Variants in HRH2 observed in about 807,000 individuals in gnomAD.
The protein encoded by HRH2 is histamine receptor H2, also known as histamine H2 receptor.
Under a neutral mutation model 20.1 loss-of-function variants are expected in HRH2, and 4 were observed. The observed-to-expected ratio is 0.20, with a 90% CI of 0.10 to 0.45. HRH2 has a LOEUF of 0.45. Among genes scored for constraint, HRH2 ranks in the 20% least tolerant of loss-of-function variants. The pLI is 0.99. For synonymous variants in HRH2, 197 were observed against 200.7 expected (o/e 0.98, Z 0.16); for missense variants, 250 against 461.6 (o/e 0.54, Z 4.20).
intron 1 of HRH2, among the ~76,000 whole-genome samples, chr5:175,665,359 G>C (rs1762856436): frequency 1.3e-5 from 2 of 152,162 alleles, no homozygotes; most frequent in African/African-American, 4.8e-5. Flanking sequence ...TCCGGACCCA[G>C]GATCTGGATA....
In HRH2 at chr5:175,686,236, G is replaced by A. The variant is rs1157520492; in HGVS notation, c.1076+1927G>A. On this transcript the variant is annotated intron_variant, in intron 2 of 2. Transcript: ENST00000636584. The surrounding 1 kb of genome is among the most constrained non-coding windows in gnomAD (Gnocchi z 4.7). ...TAAAAAAATACAGGGATGTGGTTCA[G>A]CTAGAAGGTGGTTGCCACTCTTGGG... 6.6e-6 allele frequency: 1 copy of A among 152,244 alleles called. No individual in the cohort carries two copies. Among genetic ancestry groups the A allele is most frequent in the Admixed American group, 6.5e-5 (1 of 15,286 alleles). The allele number at this position is 152,244 out of a possible 1,614,324, so 9.4% of individuals were successfully genotyped here. A position where few individuals can be genotyped will look rare whatever the true frequency, so the allele number is the denominator to read the frequency against.
intron 2 of HRH2, chr5:175,685,323 GAAA>G: frequency 4.5e-6 from 6 of 1,334,766 alleles, no homozygotes; most frequent in South Asian, 1.4e-5. Context: ...TTTAGCTGCT[GAAA>G]AGAGCAAATG....
At chr5:175,688,371 T>C (rs1362935569) in intron 2 of HRH2, among the ~76,000 whole-genome samples, 1 of 152,172 alleles carries the variant, frequency 6.6e-6, no homozygotes, top group East Asian at 1.9e-4. Context: ...TCCTGCTGCC[T>C]TTCCTGCCAC....
At chr5:175,696,706 T>G (rs1398926600) in intron 2 of HRH2, among the ~76,000 whole-genome samples, 2 of 152,150 alleles carry the variant, frequency 1.3e-5, no homozygotes, top group African/African-American at 4.8e-5. Flanking sequence ...CTTTGCTTCT[T>G]CCGTGGGACC....
At chr5:175,665,265 T>C (rs1435563331) in intron 1 of HRH2, among the ~76,000 whole-genome samples, 2 of 151,636 alleles carry the variant, frequency 1.3e-5, no homozygotes, top group Non-Finnish European at 1.5e-5. Context: ...ACCGAGGAGG[T>C]ACAGGAGCTG....
In HRH2 at chr5:175,707,940, C is replaced by T. The variant is rs941507785; in HGVS notation, c.1238C>T (p.Ala413Val). The change falls in exon 3 of 3, where the codon GCG (alanine) becomes GTG (valine). Residue 413 changes from alanine to valine, a missense_variant. Coordinates refer to ENST00000636584, the MANE Select transcript of HRH2 (RefSeq NM_001367711.1). ...EEPQKRPPQK[A>V]VRTLPSEAV Reference sequence around the variant, plus strand: ...CCACAGAAGAGACCTCCCCAGAAAGCGGTGAGGACGCTGCCCTCTGAGGCT... The same window carrying T: ...CCACAGAAGAGACCTCCCCAGAAAGTGGTGAGGACGCTGCCCTCTGAGGCT... The T allele has an allele frequency of 1.0e-5, 4 of 399,006 alleles. No homozygotes were observed. The highest frequency in any genetic ancestry group is 1.3e-4 in the South Asian group (1 of 7,862). The allele number at this position is 399,006 out of a possible 1,614,324, so 24.7% of individuals were successfully genotyped here.
intron 1 of HRH2, among the ~76,000 whole-genome samples, chr5:175,673,145 G>C (rs1455985018): frequency 6.6e-6 from 1 of 152,186 alleles, no homozygotes; most frequent in Non-Finnish European, 1.5e-5. Flanking sequence ...CAGGGAGGCT[G>C]GTCAGGACCT....
chr5:175,674,320 T>C (rs1412067040), intron 1 of HRH2, among the ~76,000 whole-genome samples: 3 of 152,210 alleles, frequency 2.0e-5, no homozygotes, highest in Non-Finnish European at 4.4e-5. Context: ...TTTCACCATC[T>C]ATCAAATGGG....
intron 2 of HRH2, among the ~76,000 whole-genome samples, chr5:175,688,490 A>C (rs752148408): frequency 9.9e-5 from 15 of 152,214 alleles, no homozygotes; most frequent in Non-Finnish European, 1.8e-4. Context: ...TTTGCAGTAG[A>C]GCAGTGAGAA....
intron 1 of HRH2, among the ~76,000 whole-genome samples, chr5:175,663,323 T>A (rs1390625606): frequency 6.6e-6 from 1 of 152,208 alleles, no homozygotes; most frequent in African/African-American, 2.4e-5. Flanking sequence ...TTTCCAAAGC[T>A]TCTTAGGTCT....
At chr5:175,696,143 C>T (rs1013517304) in intron 2 of HRH2, among the ~76,000 whole-genome samples, 5 of 152,260 alleles carry the variant, frequency 3.3e-5, no homozygotes, top group African/African-American at 4.8e-5. Context: ...TGTGTGTGAG[C>T]CACCGTTGGC....
chr5:175,704,391 A>C (rs1189769463), intron 2 of HRH2, among the ~76,000 whole-genome samples: 2 of 152,160 alleles, frequency 1.3e-5, no homozygotes, highest in Non-Finnish European at 2.9e-5. Context: ...AACTCTGTGA[A>C]TATTATATCA....
intron 1 of HRH2, among the ~76,000 whole-genome samples, chr5:175,675,650 C>G (rs767430863): frequency 1.2e-4 from 18 of 152,168 alleles, no homozygotes; most frequent in Non-Finnish European, 2.6e-4. Flanking sequence ...AGCATCAACC[C>G]TCACCCAACC....
chr5:175,674,706 A>G (rs1308608550), intron 1 of HRH2, among the ~76,000 whole-genome samples: 4 of 152,130 alleles, frequency 2.6e-5, no homozygotes, highest in African/African-American at 4.8e-5. Context: ...TTGAAGACAG[A>G]AGCAAGAACA....
chr5:175,692,601 T>TA (rs1490841724), intron 2 of HRH2, among the ~76,000 whole-genome samples: 1 of 152,200 alleles, frequency 6.6e-6, no homozygotes, highest in Non-Finnish European at 1.5e-5. Flanking sequence ...AGCCTTTATT[T>TA]ATTTTTTTTC....
At chr5:175,660,618 G>A (rs1489182684) in intron 1 of HRH2, among the ~76,000 whole-genome samples, 1 of 152,190 alleles carries the variant, frequency 6.6e-6, no homozygotes, top group Admixed American at 6.5e-5. Flanking sequence ...CAATGAGCAT[G>A]TTCTTTAATA....
At chr5:175,665,251 T>A (rs1383679066) in intron 1 of HRH2, among the ~76,000 whole-genome samples, 1 of 152,140 alleles carries the variant, frequency 6.6e-6, no homozygotes, top group Non-Finnish European at 1.5e-5. Context: ...GGGTTCCTGC[T>A]ACGACCGAGG....
chr5:175,672,796 G>T (rs1365746927), intron 1 of HRH2, among the ~76,000 whole-genome samples: 1 of 152,156 alleles, frequency 6.6e-6, no homozygotes, highest in Non-Finnish European at 1.5e-5. Context: ...GGCCATGTGG[G>T]GTGGGGGATG....
At chr5:175,671,434 G>C (rs1334054729) in intron 1 of HRH2, among the ~76,000 whole-genome samples, 1 of 152,186 alleles carries the variant, frequency 6.6e-6, no homozygotes, top group Non-Finnish European at 1.5e-5. Context: ...GGAGAGAATA[G>C]AGAGGGAGGA....
Sources: gnomAD v4.1 joint callset for allele counts (sites outside exome capture counted in the v4.1 genomes callset) on GRCh38, gnomAD v4.1.1 for gene constraint, Gnocchi (gnomAD v3.1) non-coding constraint, MANE v1.5 for transcripts, NCBI Gene and HGNC (gene_info 2026-07-23, HGNC 2026-07-21) for gene names.